ABCB1: variants seen among roughly 807,000 people sequenced by gnomAD.
ABCB1 encodes the protein ATP-dependent translocase ABCB1.
ABCB1 carries 69 observed loss-of-function variants against 142.0 expected under a neutral mutation model. The observed-to-expected ratio is 0.49, with a 90% CI of 0.40 to 0.59. ABCB1 has a LOEUF of 0.59. Ranked by LOEUF, ABCB1 falls within the 20% of genes least tolerant of loss-of-function variation. The probability of loss-of-function intolerance (pLI) is 0.00; values close to 1 mark genes in which losing one functional copy is unlikely to be tolerated. For synonymous variants in ABCB1, 532 were observed against 539.2 expected, an observed-to-expected ratio of 0.99 and a Z score of 0.18; for missense variants, 1,326 against 1,554.7, an observed-to-expected ratio of 0.85 and a Z score of 2.47.
chr7:87,571,996 T>A (rs950933291), intron 4 of ABCB1, among the ~76,000 whole-genome samples: 1 of 152,156 alleles, frequency 6.6e-6, no homozygotes, highest in African/African-American at 2.4e-5. Flanking sequence ...CAAGAGGGAT[T>A]CTTGACTGCT....
chr7:87,587,894 A>T (rs1192503152), intron 3 of ABCB1, among the ~76,000 whole-genome samples: 1 of 133,810 alleles, frequency 7.5e-6, no homozygotes, highest in Admixed American at 7.7e-5. Context: ...AAAAAAAAAA[A>T]GGCATTTAAG....
At chr7:87,580,095 G>A (rs1818447093) in intron 4 of ABCB1, among the ~76,000 whole-genome samples, 1 of 152,086 alleles carries the variant, frequency 6.6e-6, no homozygotes. Flanking sequence ...CACAATTACA[G>A]TGTTGTAATA....
At chr7:87,549,053 C>T (rs1347612429) in intron 14 of ABCB1, among the ~76,000 whole-genome samples, 1 of 152,180 alleles carries the variant, frequency 6.6e-6, no homozygotes, top group Admixed American at 6.5e-5. Flanking sequence ...TGAAGATGAA[C>T]TTTCACATGT....
intron 1 of ABCB1, among the ~76,000 whole-genome samples, chr7:87,665,249 A>G (rs1825108909): frequency 6.6e-6 from 1 of 152,212 alleles, no homozygotes; most frequent in Non-Finnish European, 1.5e-5. Context: ...AAGTCGTATG[A>G]TACAAAATCA....
chr7:87,562,885 G>C (rs1563053895), intron 7 of ABCB1, among the ~76,000 whole-genome samples: 1 of 152,032 alleles, frequency 6.6e-6, no homozygotes, highest in Non-Finnish European at 1.5e-5. Flanking sequence ...AATCACTTGA[G>C]GCCAAGAGTT....
chr7:87,706,487 G>A (rs1829597446), intron 1 of ABCB1, among the ~76,000 whole-genome samples: 1 of 152,104 alleles, frequency 6.6e-6, no homozygotes, highest in Admixed American at 6.6e-5. Flanking sequence ...TTGTATCAGA[G>A]GGACCTACTG....
intron 4 of ABCB1, among the ~76,000 whole-genome samples, chr7:87,582,013 C>G (rs923820046): frequency 2.0e-5 from 3 of 152,126 alleles, no homozygotes; most frequent in Non-Finnish European, 2.9e-5. Flanking sequence ...TGATGCTATT[C>G]CCTGCTTTCC....
At chr7:87,517,033 G>A (rs1815284371) in intron 23 of ABCB1, among the ~76,000 whole-genome samples, 1 of 152,040 alleles carries the variant, frequency 6.6e-6, no homozygotes, top group African/African-American at 2.4e-5. Flanking sequence ...CACCATGCCT[G>A]GCCAAAAGTT....
rs1554449114 is a variant in ABCB1, at chr7:87,638,371, G to GTA, written c.-330-37294_-330-37293insTA. On this transcript the variant is annotated intron_variant, in intron 1 of 28. Coordinates refer to the ABCB1 transcript ENST00000265724. The stretch of plus-strand genomic sequence containing the variant: ...TGTGTGTGTGTGTGTGTGTGTGTGT[G>GTA]TGTGTGTGTTTCCTCCCCTGTTCTG... 1.8e-3 allele frequency among the ~76,000 whole-genome samples: 273 copies of GTA among 151,760 alleles called. 1 individual carries two copies. Among genetic ancestry groups the GTA allele is most frequent in the African/African-American group, 6.3e-3 (260 of 41,374 alleles).
rs181396291 is a variant in ABCB1, at chr7:87,581,681, T to C, written c.286+3831A>G. Reference sequence around the variant, plus strand: ...GACGAGAAAACTTACAAGGGTTCTATTGCAGCAACAGAGAAGGATCTGCTT... The same window carrying C: ...GACGAGAAAACTTACAAGGGTTCTACTGCAGCAACAGAGAAGGATCTGCTT... On this transcript the variant is annotated intron_variant, in intron 4 of 27. Coordinates refer to ENST00000622132, the MANE Select transcript of ABCB1 (RefSeq NM_001348946.2). 1.1e-3 allele frequency among the ~76,000 whole-genome samples: 164 copies of C among 152,296 alleles called. 2 individuals are homozygous for C. Among genetic ancestry groups the C allele is most frequent in the Admixed American group, 0.011 (161 of 15,292 alleles).
At chr7:87,608,037 GA>G (rs949510812) in intron 1 of ABCB1, among the ~76,000 whole-genome samples, 14 of 152,132 alleles carry the variant, frequency 9.2e-5, no homozygotes, top group Non-Finnish European at 1.6e-4. Flanking sequence ...GAAATAGTTG[GA>G]ACTTTTTTGT....
intron 8 of ABCB1, among the ~76,000 whole-genome samples, chr7:87,560,152 T>G (rs1031589699): frequency 3.3e-5 from 5 of 152,208 alleles, no homozygotes; most frequent in Non-Finnish European, 5.9e-5. Flanking sequence ...CGGGGATTTA[T>G]TTCATTGAAT....
intron 24 of ABCB1, 65 bp from the exon 25 acceptor site, chr7:87,515,493 C>A: frequency 1.4e-6 from 2 of 1,440,586 alleles, no homozygotes; most frequent in Non-Finnish European, 9.7e-7. Context: ...GTATAGCTAA[C>A]TCTCTCGATT....
intron 1 of ABCB1, among the ~76,000 whole-genome samples, chr7:87,652,184 G>A (rs2130382068): frequency 6.6e-6 from 1 of 152,114 alleles, no homozygotes; most frequent in South Asian, 2.1e-4. Flanking sequence ...ATGTTCATGA[G>A]AATTTTACCT....
intron 1 of ABCB1, among the ~76,000 whole-genome samples, chr7:87,608,605 C>T (rs1199659917): frequency 6.6e-6 from 1 of 152,116 alleles, no homozygotes; most frequent in Non-Finnish European, 1.5e-5. Flanking sequence ...ATAAAAATAA[C>T]AATATTACCC....
intron 9 of ABCB1, 119 bp downstream of exon 9, chr7:87,553,642 G>T: frequency 9.1e-7 from 1 of 1,101,750 alleles, no homozygotes. Flanking sequence ...ACCTAGTAGT[G>T]CATATGTCTG....
intron 21 of ABCB1, chr7:87,521,118 A>T: frequency 2.0e-6 from 1 of 498,070 alleles, no homozygotes; most frequent in South Asian, 2.2e-5. Flanking sequence ...TAAATGGATT[A>T]TGGCATTGCT....
chr7:87,710,633 C>A, intron 1 of ABCB1: 1 of 1,593,336 alleles, frequency 6.3e-7, no homozygotes, highest in Middle Eastern at 1.8e-4. Flanking sequence ...CTCTACAGCT[C>A]TGAGAGACTT....
At chr7:87,577,123 A>T (rs146660844) in intron 4 of ABCB1, among the ~76,000 whole-genome samples, 1 of 152,108 alleles carries the variant, frequency 6.6e-6, no homozygotes, top group Non-Finnish European at 1.5e-5. Context: ...TATAAGTCCA[A>T]TTGTTTTAAT....
Sources: gnomAD v4.1 joint callset for allele counts (sites outside exome capture counted in the v4.1 genomes callset) on GRCh38, gnomAD v4.1.1 for gene constraint, MANE v1.5 for transcripts, NCBI Gene and HGNC (gene_info 2026-07-23, HGNC 2026-07-21) for gene names.